Variants in CEP128 observed in about 807,000 individuals in gnomAD.
The protein encoded by CEP128 is centrosomal protein 128, also known as centrosomal protein 128kDa.
In CEP128, 132 loss-of-function variants were observed where a neutral mutation model predicts 156.7. That is an observed-to-expected ratio of 0.84 (90% CI 0.73 to 0.97). CEP128 has a LOEUF of 0.97. CEP128 is among the 50% of genes least tolerant of loss of function. The probability of loss-of-function intolerance (pLI) is 0.00; values close to 1 mark genes in which losing one functional copy is unlikely to be tolerated. For synonymous variants in CEP128, 469 were observed against 448.9 expected, an observed-to-expected ratio of 1.04 and a Z score of -0.57; for missense variants, 1,252 against 1,281.9, an observed-to-expected ratio of 0.98 and a Z score of 0.36.
intron 16 of CEP128, among the ~76,000 whole-genome samples, chr14:80,777,447 A>T (rs1198814937): frequency 6.6e-6 from 1 of 152,172 alleles, no homozygotes; most frequent in African/African-American, 2.4e-5. Context: ...CAAGAGAAAT[A>T]AATTTCTGTT....
chr14:80,635,398 G>C (rs773470534), intron 19 of CEP128, among the ~76,000 whole-genome samples: 10 of 152,142 alleles, frequency 6.6e-5, no homozygotes, highest in Non-Finnish European at 1.0e-4. Flanking sequence ...TCCACTGGGG[G>C]TAAAAAAAGA....
chr14:80,659,741 G>A (rs1566839981), intron 19 of CEP128, among the ~76,000 whole-genome samples: 1 of 152,140 alleles, frequency 6.6e-6, no homozygotes, highest in African/African-American at 2.4e-5. Flanking sequence ...AGTGACTCAG[G>A]TGTGTACTAT....
At chr14:80,592,189 A>C (rs1892103455) in intron 19 of CEP128, among the ~76,000 whole-genome samples, 1 of 152,178 alleles carries the variant, frequency 6.6e-6, no homozygotes, top group South Asian at 2.1e-4. Context: ...GACATGAAAA[A>C]CCCTTCAAAA....
chr14:80,650,342 T>C (rs1162675573), intron 19 of CEP128, among the ~76,000 whole-genome samples: 2 of 152,168 alleles, frequency 1.3e-5, no homozygotes, highest in African/African-American at 4.8e-5. Flanking sequence ...TTTCTTAATA[T>C]ACAATCATGT....
chr14:80,779,336 C>A (rs970828682), intron 15 of CEP128, among the ~76,000 whole-genome samples: 3 of 152,118 alleles, frequency 2.0e-5, no homozygotes, highest in Non-Finnish European at 4.4e-5. Context: ...ATTTACCCCA[C>A]AAAATTTACC....
rs1887577632 is a variant in CEP128 at position 80,862,778 on chromosome 14, G to C, written c.741C>G (p.Leu247=). The C allele has an allele frequency of 2.5e-6, 4 of 1,607,260 alleles. No individual in the cohort carries two copies. In the East Asian group the frequency reaches 6.7e-5, roughly 27 times the overall value. ...AAACCTCCTGTAGCTGCAGGGACAT[G>C]AGTCCCAGTTGATCCTGGCGTCTTT... ...LVERRQDQLG[L]MSLQLQEALK... Residue 247 remains leucine, a synonymous_variant, in exon 9 of 25, where the codon CTC becomes CTG. Coordinates refer to ENST00000555265, the MANE Select transcript of CEP128 (RefSeq NM_152446.5).
intron 19 of CEP128, among the ~76,000 whole-genome samples, chr14:80,617,091 A>G (rs1893243946): frequency 7.4e-6 from 1 of 136,024 alleles, no homozygotes. Context: ...ACCACAGAGG[A>G]AAACATTTGG....
intron 8 of CEP128, among the ~76,000 whole-genome samples, chr14:80,890,557 A>G (rs951143657): frequency 6.6e-6 from 1 of 152,148 alleles, no homozygotes; most frequent in Non-Finnish European, 1.5e-5. Flanking sequence ...GTTCTCACTC[A>G]TAAGTAGGAG....
intron 8 of CEP128, among the ~76,000 whole-genome samples, chr14:80,865,978 A>G (rs145838918): frequency 1.7e-4 from 26 of 152,252 alleles, no homozygotes; most frequent in African/African-American, 6.0e-4. Context: ...AAACTGCCAA[A>G]TGAAATGCTG....
At chr14:80,739,019 G>A (rs139543838) in intron 19 of CEP128, among the ~76,000 whole-genome samples, 5 of 152,276 alleles carry the variant, frequency 3.3e-5, no homozygotes, top group Non-Finnish European at 7.3e-5. Context: ...TTGGCAATCT[G>A]GCTTAAACCA....
intron 21 of CEP128, among the ~76,000 whole-genome samples, chr14:80,531,560 T>C (rs1463749034): frequency 6.6e-6 from 1 of 152,156 alleles, no homozygotes; most frequent in Admixed American, 6.5e-5. Flanking sequence ...AGTTAAATGG[T>C]AAAATAATCT....
intron 13 of CEP128, among the ~76,000 whole-genome samples, chr14:80,794,306 G>A (rs530208026): frequency 1.3e-5 from 2 of 152,212 alleles, no homozygotes; most frequent in South Asian, 2.1e-4. Flanking sequence ...TTAAAATCAT[G>A]GTTTGACATT....
In CEP128 at chr14:80,500,420, C is replaced by G. The variant is rs563006018; in HGVS notation, c.3182-2838G>C. Among the ~76,000 whole-genome samples the G allele has an allele frequency of 7.2e-5, 11 of 152,296 alleles. No homozygotes were observed. The South Asian group carries it at 2.3e-3, about 32-fold the overall frequency. Reference sequence around the variant, plus strand: ...ACTATCCACTCCCTATATCTCTATACAGATCTAAACTGCTCCAAACTCCAA... The same window carrying G: ...ACTATCCACTCCCTATATCTCTATAGAGATCTAAACTGCTCCAAACTCCAA... On this transcript the variant is annotated intron_variant, in intron 24 of 24. Transcript: ENST00000555265.
chr14:80,491,615 A>T (rs1471665277), downstream of CEP128, among the ~76,000 whole-genome samples: 1 of 152,198 alleles, frequency 6.6e-6, no homozygotes, highest in African/African-American at 2.4e-5. Flanking sequence ...TAATGACAGC[A>T]TAAATAAAAT....
chr14:80,835,230 C>T (rs1345129440), intron 12 of CEP128, among the ~76,000 whole-genome samples: 1 of 152,182 alleles, frequency 6.6e-6, no homozygotes, highest in Non-Finnish European at 1.5e-5. Flanking sequence ...AGCCATGCTT[C>T]TGGTACAGCC....
chr14:80,862,608 G>C (rs1211045225), intron 9 of CEP128, 149 bp downstream of exon 9: 2 of 604,100 alleles, frequency 3.3e-6, no homozygotes, highest in Non-Finnish European at 5.8e-6. Context: ...AGGGAGGTCT[G>C]ATTCTATACA....
intron 19 of CEP128, among the ~76,000 whole-genome samples, chr14:80,714,251 A>T (rs1011936371): frequency 1.1e-4 from 16 of 152,252 alleles, no homozygotes; most frequent in South Asian, 2.1e-4. Flanking sequence ...TTGGAATTTT[A>T]AAATTTCCTC....
intron 7 of CEP128, among the ~76,000 whole-genome samples, chr14:80,898,423 C>A (rs974208250): frequency 3.9e-5 from 6 of 152,124 alleles, no homozygotes; most frequent in African/African-American, 1.4e-4. Context: ...ACAAAGTTTT[C>A]TGCCTCAAAC....
chr14:80,871,053 A>G (rs1023688248), intron 8 of CEP128, among the ~76,000 whole-genome samples: 1 of 152,062 alleles, frequency 6.6e-6, no homozygotes, highest in Non-Finnish European at 1.5e-5. Context: ...AAATAAAAAA[A>G]ATTAAAGAAA....
Sources: allele counts gnomAD v4.1 joint callset (sites outside exome capture counted in the v4.1 genomes callset), GRCh38; gene constraint gnomAD v4.1.1; transcripts MANE v1.5; gene names NCBI Gene and HGNC (gene_info 2026-07-23, HGNC 2026-07-21).